The following PTPRQ variants were observed in gnomAD, a reference collection of about 807,000 sequenced individuals.
PTPRQ encodes the protein protein tyrosine phosphatase receptor type Q.
In PTPRQ, 199 loss-of-function variants were observed where a neutral mutation model predicts 246.0. The observed-to-expected ratio is 0.81, with a 90% CI of 0.72 to 0.91. The LOEUF (loss-of-function observed/expected upper bound fraction) is 0.91, where lower values mean the gene tolerates loss of function less well. PTPRQ is among the 40% of genes least tolerant of loss of function. PTPRQ has a pLI of 0.00. For synonymous variants in PTPRQ, 869 were observed against 853.2 expected (o/e 1.02, Z -0.32); for missense variants, 2,624 against 2,528.4 (o/e 1.04, Z -0.81).
At chr12:80,563,169 C>A (rs1397278934) in intron 25 of PTPRQ, among the ~76,000 whole-genome samples, 1 of 152,044 alleles carries the variant, frequency 6.6e-6, no homozygotes, top group African/African-American at 2.4e-5. Flanking sequence ...ACTGGATGAC[C>A]GATAAACAAC....
chr12:80,613,532 T>A, intron 28 of PTPRQ, 60 bp from the exon 29 acceptor site: 1 of 1,415,866 alleles, frequency 7.1e-7, no homozygotes, highest in Non-Finnish European at 9.4e-7. Flanking sequence ...AATAAATTTA[T>A]GTGGAGATAA....
chr12:80,539,833 A>T lies in PTPRQ; in HGVS notation c.3043A>T (p.Ile1015Leu). 2 of 1,548,682 alleles carry T rather than the reference A, an allele frequency of 1.3e-6. No homozygotes were observed. Among genetic ancestry groups the T allele is most frequent in the Non-Finnish European group, 1.7e-6 (2 of 1,145,786 alleles). The change falls in exon 20 of 45, where the codon ATA becomes TTA. Residue 1015 changes from isoleucine to leucine, a missense_variant. Ile to Leu is a conservative substitution (Grantham distance 5). Transcript: ENST00000644991. Reference sequence around the variant, plus strand: ...TGACAATATGACTGTATCCACAATTATAGATAAACTGACAATATTCAGCTA... The same window carrying T: ...TGACAATATGACTGTATCCACAATTTTAGATAAACTGACAATATTCAGCTA... ...DFDNMTVSTI[I>L]DKLTIFSYYT... is the part of the protein sequence containing the mutation.
chr12:80,661,970 G>A (rs1228238555), intron 39 of PTPRQ, among the ~76,000 whole-genome samples: 1 of 151,828 alleles, frequency 6.6e-6, no homozygotes, highest in African/African-American at 2.4e-5. Context: ...GCTCTACAGG[G>A]TACACTATTA....
rs1592742456 is a variant in PTPRQ, at chr12:80,635,003, G to A, written c.5845G>A (p.Asp1949Asn). The A allele has an allele frequency of 6.4e-7, 1 of 1,551,398 alleles. No individual in the cohort carries two copies. Among genetic ancestry groups the A allele is most frequent in the South Asian group, 1.2e-5 (1 of 84,004 alleles). ...TYSPQDAEIIDTKLKLDQLIT... is the reference protein window; with the variant it reads ...TYSPQDAEIINTKLKLDQLIT... ...CTCTCCTCAGGATGCAGAAATTATT[G>A]ACACTAAATTGAAGCTGGATCAGCT... The change falls in exon 35 of 45, where the codon GAC becomes AAC. Residue 1949 changes from aspartate to asparagine, a missense_variant. Physicochemically the swap from Asp to Asn is conservative, Grantham distance 23. Transcript: ENST00000644991.
chr12:80,576,146 T>A (rs888978667), intron 25 of PTPRQ, among the ~76,000 whole-genome samples: 6 of 152,210 alleles, frequency 3.9e-5, no homozygotes, highest in African/African-American at 7.2e-5. Flanking sequence ...CCACAGGTTT[T>A]TTTTTCTTTT....
At chr12:80,468,482 T>C (rs1893514103) in intron 6 of PTPRQ, among the ~76,000 whole-genome samples, 2 of 152,150 alleles carry the variant, frequency 1.3e-5, no homozygotes, top group Admixed American at 1.3e-4. Context: ...TAAACAGTAT[T>C]AAATAAAATC....
intron 40 of PTPRQ, 31 bp downstream of exon 40, chr12:80,669,172 T>C: frequency 1.9e-6 from 3 of 1,540,466 alleles, no homozygotes; most frequent in Non-Finnish European, 2.6e-6. Context: ...TTACAAATGT[T>C]GTTTTACGAT....
chr12:80,448,890 A>G (rs1440784543), intron 3 of PTPRQ, among the ~76,000 whole-genome samples: 2 of 146,536 alleles, frequency 1.4e-5, no homozygotes, highest in African/African-American at 2.5e-5. Context: ...GTATATACCC[A>G]GTAATGGGAT....
chr12:80,530,716 A>G (rs1462415577), intron 17 of PTPRQ, among the ~76,000 whole-genome samples: 6 of 152,206 alleles, frequency 3.9e-5, no homozygotes, highest in Admixed American at 2.0e-4. Context: ...ACTAAAATCT[A>G]ACTATATTTA....
intron 37 of PTPRQ, among the ~76,000 whole-genome samples, chr12:80,649,980 T>C (rs1239805537): frequency 2.0e-5 from 3 of 152,172 alleles, no homozygotes; most frequent in Non-Finnish European, 4.4e-5. Flanking sequence ...GCCATATTCA[T>C]TAGTTTGTTT....
At chr12:80,569,013 C>G (rs1343524150) in intron 25 of PTPRQ, among the ~76,000 whole-genome samples, 1 of 152,056 alleles carries the variant, frequency 6.6e-6, no homozygotes, top group Non-Finnish European at 1.5e-5. Context: ...GTGCAAAGGA[C>G]TGACTTATCT....
chr12:80,572,817 G>C (rs1019473093), intron 25 of PTPRQ, among the ~76,000 whole-genome samples: 1 of 151,946 alleles, frequency 6.6e-6, no homozygotes, highest in Non-Finnish European at 1.5e-5. Flanking sequence ...GTTTATTTTT[G>C]AATGTTAAAT....
chr12:80,511,347 C>T (rs771906927), intron 17 of PTPRQ, among the ~76,000 whole-genome samples: 11 of 151,978 alleles, frequency 7.2e-5, no homozygotes, highest in Non-Finnish European at 1.0e-4. Context: ...CTAGTCGTGA[C>T]GAAAGTGGGA....
At chr12:80,533,221 G>C (rs1448921322) in intron 17 of PTPRQ, among the ~76,000 whole-genome samples, 1 of 151,658 alleles carries the variant, frequency 6.6e-6, no homozygotes, top group African/African-American at 2.4e-5. Context: ...TTTGGTTTTA[G>C]ATATTAATCT....
At chr12:80,612,892 C>T (rs1270916961) in intron 28 of PTPRQ, among the ~76,000 whole-genome samples, 1 of 150,414 alleles carries the variant, frequency 6.6e-6, no homozygotes, top group Non-Finnish European at 1.5e-5. Context: ...CTTGATGGAC[C>T]TCAAGGCCAT....
intron 43 of PTPRQ, among the ~76,000 whole-genome samples, chr12:80,675,537 C>G (rs11114562): frequency 0.37 from 56,896 of 151,908 alleles, 11,217 homozygotes; most frequent in African/African-American, 0.5. Context: ...AGGGTTTGCT[C>G]TCTTGGGTAG....
chr12:80,546,689 A>C lies in PTPRQ; in HGVS notation c.4007A>C (p.Gln1336Pro), dbSNP rs1181696086. The C allele has an allele frequency of 6.4e-7, 1 of 1,550,858 alleles. No homozygotes were observed. Among genetic ancestry groups the C allele is most frequent in the Non-Finnish European group, 8.7e-7 (1 of 1,146,726 alleles). ...QFSNVVKFTT[Q>P]ESVPDVVQNM... ...AGTAATGTAGTAAAATTCACAACCC[A>C]AGAATCAGGTTAGATACAGTTTTTG... is the stretch of plus-strand genomic sequence containing the variant. Residue 1336 changes from glutamine to proline, a missense_variant, in exon 24 of 45, where the codon CAA (glutamine) becomes CCA (proline). By Grantham distance (76) the Gln-to-Pro change is moderately conservative. Coordinates refer to ENST00000644991, the MANE Select transcript of PTPRQ (RefSeq NM_001145026.2).
In PTPRQ at chr12:80,678,739, A is replaced by G. The variant is rs900431382; in HGVS notation, c.6862+14A>G. 1.2e-5 allele frequency: 18 copies of G among 1,546,468 alleles called. No homozygotes were observed. The highest frequency in any genetic ancestry group is 3.4e-4 in the Middle Eastern group (2 of 5,960). On this transcript the variant is annotated intron_variant, in intron 44 of 44. Transcript: ENST00000644991. ...ACGCCATGGAAGGTAAACAGAAACAACAGTATATGCCCAGCTTACTAGTTT... is the reference window on the plus strand; with the variant it reads ...ACGCCATGGAAGGTAAACAGAAACAGCAGTATATGCCCAGCTTACTAGTTT...
At chr12:80,663,313 T>G (rs1271524822) in intron 39 of PTPRQ, among the ~76,000 whole-genome samples, 1 of 151,954 alleles carries the variant, frequency 6.6e-6, no homozygotes, top group East Asian at 1.9e-4. Flanking sequence ...GTATACAATA[T>G]GTGATATATT....
Sources: gnomAD v4.1 joint callset for allele counts (sites outside exome capture counted in the v4.1 genomes callset) on GRCh38, gnomAD v4.1.1 for gene constraint, MANE v1.5 for transcripts, NCBI Gene and HGNC (gene_info 2026-07-23, HGNC 2026-07-21) for gene names.